INTS4: variants seen among roughly 807,000 people sequenced by gnomAD.
INTS4 encodes MSTP093.
INTS4 carries 70 observed loss-of-function variants against 119.5 expected under a neutral mutation model. The ratio of observed to expected loss-of-function variants is 0.59; its 90% CI spans 0.48 to 0.71. The LOEUF (loss-of-function observed/expected upper bound fraction) is 0.71, where lower values mean the gene tolerates loss of function less well. INTS4 is among the 30% of genes least tolerant of loss of function. The pLI, the probability that INTS4 is intolerant of heterozygous loss-of-function variation, is 0.00. For synonymous variants in INTS4, 316 were observed against 419.6 expected (o/e 0.75, Z 3.02); for missense variants, 867 against 1,173.2 (o/e 0.74, Z 3.81).
At chr11:77,965,599 C>T (rs6592752) in intron 4 of INTS4, among the ~76,000 whole-genome samples, 113,443 of 152,174 alleles carry the variant, frequency 0.75, 42,819 homozygotes, top group African/African-American at 0.86. Context: ...TTTCTGTGCT[C>T]GGCTTATGTC....
intron 8 of INTS4, among the ~76,000 whole-genome samples, chr11:77,946,734 C>T (rs948772234): frequency 2.7e-5 from 4 of 149,036 alleles, no homozygotes; most frequent in Admixed American, 6.7e-5. Context: ...GCACTTCGGC[C>T]TGGGTGACAG....
At chr11:77,984,636 A>G (rs140480812) in intron 2 of INTS4, among the ~76,000 whole-genome samples, 1 of 152,282 alleles carries the variant, frequency 6.6e-6, no homozygotes. Flanking sequence ...TGATGGCTGC[A>G]TAACAATATG....
At chr11:77,877,528 G>C (rs1337808781), downstream of INTS4, among the ~76,000 whole-genome samples, 3 of 152,314 alleles carry the variant, frequency 2.0e-5, no homozygotes, top group East Asian at 5.8e-4. Context: ...GGCAGAGAGA[G>C]CTGAAGATTT....
In INTS4 at chr11:77,991,095, A is replaced by T. The variant is rs758961844; in HGVS notation, c.246+13T>A. Reference sequence around the variant, plus strand: ...CATGATATACTCCCATCAGATCCTCAAGATTTTCTTACCTTGTAATAATGT... The same window carrying T: ...CATGATATACTCCCATCAGATCCTCTAGATTTTCTTACCTTGTAATAATGT... On this transcript the variant is annotated intron_variant, in intron 2 of 22. Coordinates refer to ENST00000534064, the MANE Select transcript of INTS4 (RefSeq NM_033547.4). The T allele has an allele frequency of 6.2e-7, 1 of 1,610,626 alleles. No individual in the cohort carries two copies. Among genetic ancestry groups the T allele is most frequent in the Non-Finnish European group, 8.5e-7 (1 of 1,177,018 alleles).
At chr11:77,954,339 G>T (rs1277517939) in intron 8 of INTS4, among the ~76,000 whole-genome samples, 1 of 151,678 alleles carries the variant, frequency 6.6e-6, no homozygotes, top group East Asian at 1.9e-4. Flanking sequence ...AAATAGAGAT[G>T]GGGTCTTGCT....
Position 77,938,803 on chromosome 11 carries a change from C to A in INTS4, c.1013G>T (p.Arg338Leu). The part of the protein sequence containing the change: ...DLRRKRTAHE[R>L]AKELYSSGEF... ...CCCCGAACTGTAAAGTTCCTTGGCA[C>A]GCTCATGTGCAGTACGTTTCCTCTG... The change falls in exon 10 of 23, where the codon CGT (arginine) becomes CTT (leucine). Residue 338 changes from arginine (R) to leucine (L), a missense_variant. Arg to Leu is a moderately radical substitution (Grantham distance 102, BLOSUM62 -2). Coordinates refer to ENST00000534064, the MANE Select transcript of INTS4 (RefSeq NM_033547.4). 1 of 1,611,876 alleles carries A rather than the reference C, an allele frequency of 6.2e-7. No individual in the cohort carries two copies. The highest frequency in any genetic ancestry group is 8.5e-7 in the Non-Finnish European group (1 of 1,179,810).
intron 10 of INTS4, among the ~76,000 whole-genome samples, chr11:77,931,292 G>A (rs1002791667): frequency 2.2e-4 from 34 of 152,210 alleles, no homozygotes; most frequent in African/African-American, 8.0e-4. Context: ...CTAGAAGTAT[G>A]TGAGGCACTA....
intron 4 of INTS4, chr11:77,963,367 A>C (rs536229177): frequency 4.1e-5 from 16 of 389,584 alleles, no homozygotes; most frequent in East Asian, 1.6e-4. Context: ...AAAAAAAAAA[A>C]AAAAAAACAA....
chr11:77,888,929 G>A (rs1425494327), intron 21 of INTS4, among the ~76,000 whole-genome samples: 4 of 152,188 alleles, frequency 2.6e-5, no homozygotes, highest in African/African-American at 7.2e-5. Context: ...GAATCAACAC[G>A]TGCTGGAGAG....
At chr11:77,934,938 G>C (rs1199580041) in intron 10 of INTS4, among the ~76,000 whole-genome samples, 2 of 152,134 alleles carry the variant, frequency 1.3e-5, no homozygotes, top group Non-Finnish European at 2.9e-5. Context: ...TCTATCCTGA[G>C]GTATGATTTT....
chr11:77,886,747 C>A (rs907320655), intron 21 of INTS4, among the ~76,000 whole-genome samples: 1 of 151,850 alleles, frequency 6.6e-6, no homozygotes, highest in African/African-American at 2.4e-5. Flanking sequence ...AGGTGGGAGG[C>A]GCCCGGCGAG....
intron 2 of INTS4, chr11:77,987,798 TG>T (rs1856514940): frequency 5.6e-6 from 2 of 355,992 alleles, no homozygotes; most frequent in South Asian, 4.0e-5. Context: ...GGCTTGAGCC[TG>T]GGAGTCCAGA....
chr11:77,893,891 T>TTAAATAAACAAA (rs1952389893), intron 19 of INTS4, among the ~76,000 whole-genome samples: 4 of 137,868 alleles, frequency 2.9e-5, no homozygotes, highest in African/African-American at 1.1e-4. Context: ...AGACTCTGTC[T>TTAAATAAACAAA]TAAATAAATA....
At chr11:77,956,997 T>A (rs1000105559) in intron 7 of INTS4, among the ~76,000 whole-genome samples, 2 of 152,086 alleles carry the variant, frequency 1.3e-5, no homozygotes, top group Non-Finnish European at 2.9e-5. Flanking sequence ...TGCAGTGGCG[T>A]GAGCACTGCT....
chr11:77,929,019 CAAAA>C (rs545705756), intron 10 of INTS4, among the ~76,000 whole-genome samples: 1 of 127,022 alleles, frequency 7.9e-6, no homozygotes, highest in Non-Finnish European at 1.7e-5. Context: ...GCCCCTGTCT[CAAAA>C]AAAAAAAAAA....
Position 77,891,445 on chromosome 11 carries a change from G to T in INTS4, c.2466C>A (p.Ala822=). 6.2e-7 allele frequency: 1 copy of T among 1,613,832 alleles called. No homozygotes were observed. The highest frequency in any genetic ancestry group is 8.5e-7 in the Non-Finnish European group (1 of 1,179,826). Residue 822 remains alanine, a synonymous_variant, in exon 21 of 23, where the codon GCC becomes GCA. Transcript: ENST00000534064. ...PLPEQIHKAS[A]TIIEPAGESD... Reference sequence around the variant, plus strand: ...ACTCGCCCGCTGGCTCGATGATGGTGGCTGAGGCTTTGTGGATCTGTAAGC... The same window carrying T: ...ACTCGCCCGCTGGCTCGATGATGGTTGCTGAGGCTTTGTGGATCTGTAAGC...
intron 3 of INTS4, among the ~76,000 whole-genome samples, chr11:77,979,851 G>A (rs946963296): frequency 3.3e-5 from 5 of 151,342 alleles, no homozygotes; most frequent in African/African-American, 9.7e-5. Context: ...GGTGGCACGT[G>A]CCTGTAATCC....
chr11:77,987,465 T>C (rs377486356), intron 2 of INTS4: 11 of 306,762 alleles, frequency 3.6e-5, no homozygotes, highest in East Asian at 1.0e-4. Flanking sequence ...TTATTATAGA[T>C]GATTATTGGT....
intron 8 of INTS4, among the ~76,000 whole-genome samples, chr11:77,955,684 C>T (rs1767138017): frequency 1.3e-5 from 2 of 151,996 alleles, no homozygotes; most frequent in Admixed American, 1.3e-4. Flanking sequence ...TTAGTAGAGA[C>T]GGGATTTCAC....
Sources: gnomAD v4.1 joint callset for allele counts (sites outside exome capture counted in the v4.1 genomes callset) on GRCh38, gnomAD v4.1.1 for gene constraint, MANE v1.5 for transcripts, NCBI Gene and HGNC (gene_info 2026-07-23, HGNC 2026-07-21) for gene names.